CACNB2: variants seen among roughly 807,000 people sequenced by gnomAD.
CACNB2 encodes voltage-dependent L-type calcium channel subunit beta-2.
In CACNB2, 42 loss-of-function variants were observed where a neutral mutation model predicts 73.3. That is an observed-to-expected ratio of 0.57 (90% CI 0.45 to 0.74). The LOEUF (loss-of-function observed/expected upper bound fraction) is 0.74. CACNB2 is among the 30% of genes least tolerant of loss of function. The pLI is 0.00. For missense variants in CACNB2, 940 were observed against 853.0 expected (o/e 1.10, Z -1.27); for synonymous variants, 348 against 310.3 (o/e 1.12, Z -1.28).
At chr10:18,430,598 C>G (rs1424517123) in intron 3 of CACNB2, among the ~76,000 whole-genome samples, 1 of 152,156 alleles carries the variant, frequency 6.6e-6, no homozygotes, top group Non-Finnish European at 1.5e-5. Context: ...CCACTGCACT[C>G]CAGCCTGGGC....
chr10:18,450,626 C>CTT lies in CACNB2; in HGVS notation c.334-47713_334-47712dup, dbSNP rs34566433. 3.0e-3 allele frequency among the ~76,000 whole-genome samples: 393 copies of CTT among 130,938 alleles called. 2 individuals are homozygous for CTT. The highest frequency in any genetic ancestry group is 8.9e-3 in the African/African-American group (308 of 34,514). The allele number at this position is 130,938 out of a possible 152,430, so 85.9% of individuals were successfully genotyped here. ...TCGCCAGCTCCAGCTGCTTTTTTTT[C>CTT]TTTTTTTTTTTTTTTTTGAGGAGTC... On this transcript the variant is annotated intron_variant, in intron 3 of 13. Coordinates refer to ENST00000324631, the MANE Select transcript of CACNB2 (RefSeq NM_201596.3).
intron 2 of CACNB2, among the ~76,000 whole-genome samples, chr10:18,215,524 C>A (rs921992336): frequency 3.3e-5 from 5 of 152,150 alleles, no homozygotes; most frequent in Non-Finnish European, 7.4e-5. Flanking sequence ...TTGTTTCTAA[C>A]ACACTTTGAC....
intron 2 of CACNB2, among the ~76,000 whole-genome samples, chr10:18,187,352 C>G (rs1234249000): frequency 6.6e-6 from 1 of 152,180 alleles, no homozygotes; most frequent in East Asian, 1.9e-4. Context: ...AAAAGCCCAT[C>G]CAATTGACCT....
chr10:18,261,019 C>A, intron 2 of CACNB2: 2 of 1,407,312 alleles, frequency 1.4e-6, no homozygotes, highest in South Asian at 1.5e-5. Flanking sequence ...ATAGGAAACC[C>A]CCTTGAAGAA....
intron 1 of CACNB2, among the ~76,000 whole-genome samples, chr10:18,143,647 G>T (rs141470468): frequency 1.3e-5 from 2 of 152,286 alleles, no homozygotes; most frequent in African/African-American, 4.8e-5. Context: ...TCATAGGATT[G>T]TGTGAGGCTT....
intron 3 of CACNB2, among the ~76,000 whole-genome samples, chr10:18,439,483 T>C (rs1463233774): frequency 6.6e-6 from 1 of 152,202 alleles, no homozygotes; most frequent in Non-Finnish European, 1.5e-5. Flanking sequence ...ATAATCCTTA[T>C]GGCAAGGTCG....
At chr10:18,154,579 T>G (rs901247607) in intron 2 of CACNB2, among the ~76,000 whole-genome samples, 12 of 152,178 alleles carry the variant, frequency 7.9e-5, no homozygotes, top group Non-Finnish European at 1.6e-4. Flanking sequence ...GTAGTTCTCT[T>G]GCCTCAGCCT....
intron 2 of CACNB2, among the ~76,000 whole-genome samples, chr10:18,178,679 C>T (rs2033724931): frequency 6.6e-6 from 1 of 152,108 alleles, no homozygotes; most frequent in African/African-American, 2.4e-5. Context: ...AAGGGTGCCT[C>T]TTAGATGGAA....
chr10:18,467,881 G>A (rs576543808), intron 3 of CACNB2, among the ~76,000 whole-genome samples: 184 of 152,302 alleles, frequency 1.2e-3, no homozygotes, highest in African/African-American at 4.0e-3. Context: ...TCCTCTACAA[G>A]ATTCTGATTT....
chr10:18,156,897 G>T (rs186924456), intron 2 of CACNB2, among the ~76,000 whole-genome samples: 1 of 151,886 alleles, frequency 6.6e-6, no homozygotes, highest in South Asian at 2.1e-4. Flanking sequence ...AAATTGGCTG[G>T]GTGTGGTGGC....
intron 1 of CACNB2, among the ~76,000 whole-genome samples, chr10:18,148,837 A>G (rs1024804973): frequency 6.6e-6 from 1 of 151,936 alleles, no homozygotes; most frequent in Non-Finnish European, 1.5e-5. Context: ...TCTACAAAAA[A>G]CAAAAATTAG....
At chr10:18,436,130 A>T (rs1000764397) in intron 3 of CACNB2, among the ~76,000 whole-genome samples, 1 of 152,244 alleles carries the variant, frequency 6.6e-6, no homozygotes, top group Non-Finnish European at 1.5e-5. Flanking sequence ...GTTGTTGGCT[A>T]TTACCTTGAA....
At chr10:18,412,220 G>T (rs1412105444) in intron 3 of CACNB2, among the ~76,000 whole-genome samples, 1 of 152,202 alleles carries the variant, frequency 6.6e-6, no homozygotes, top group Non-Finnish European at 1.5e-5. Context: ...TGTCCCATTG[G>T]CCAAAGCAAG....
chr10:18,188,463 C>T (rs536748477), intron 2 of CACNB2, among the ~76,000 whole-genome samples: 3 of 152,168 alleles, frequency 2.0e-5, no homozygotes, highest in African/African-American at 7.2e-5. Flanking sequence ...CACACAAATG[C>T]CAACATGCCT....
intron 3 of CACNB2, among the ~76,000 whole-genome samples, chr10:18,465,309 G>A (rs117583381): frequency 0.03 from 4,523 of 152,216 alleles, 96 homozygotes; most frequent in East Asian, 0.097. Context: ...CAGCCTGGGC[G>A]ACAAAGCAAG....
intron 2 of CACNB2, among the ~76,000 whole-genome samples, chr10:18,302,633 G>T (rs1419251): frequency 1.3e-5 from 2 of 152,082 alleles, no homozygotes; most frequent in South Asian, 4.1e-4. Context: ...GTTCTCAACC[G>T]TAAGTGGCAG....
intron 3 of CACNB2, among the ~76,000 whole-genome samples, chr10:18,423,061 T>C (rs1481368555): frequency 6.6e-6 from 1 of 152,232 alleles, no homozygotes; most frequent in Admixed American, 6.5e-5. Context: ...ATGAATCACA[T>C]GATCTGAGTG....
intron 2 of CACNB2, among the ~76,000 whole-genome samples, chr10:18,361,673 G>T (rs2042148103): frequency 6.7e-6 from 1 of 149,314 alleles, no homozygotes; most frequent in South Asian, 2.1e-4. Flanking sequence ...AGTGCAAGTG[G>T]CATGATCTCA....
At chr10:18,418,793 T>A (rs1319664229) in intron 3 of CACNB2, among the ~76,000 whole-genome samples, 5 of 152,212 alleles carry the variant, frequency 3.3e-5, no homozygotes, top group Non-Finnish European at 5.9e-5. Context: ...ACCAGTATCA[T>A]GGTCTCATCC....
Sources: allele counts gnomAD v4.1 joint callset (sites outside exome capture counted in the v4.1 genomes callset), GRCh38; gene constraint gnomAD v4.1.1; transcripts MANE v1.5; gene names NCBI Gene and HGNC (gene_info 2026-07-23, HGNC 2026-07-21).